RMDN2: variants seen among roughly 807,000 people sequenced by gnomAD.
RMDN2 encodes the protein regulator of microtubule dynamics 2.
In RMDN2, 61 loss-of-function variants were observed where a neutral mutation model predicts 52.8. That is an observed-to-expected ratio of 1.16 (90% CI 0.94 to 1.43). The LOEUF (loss-of-function observed/expected upper bound fraction) is 1.43, where lower values mean the gene tolerates loss of function less well. Among genes scored for constraint, RMDN2 ranks in the 40% most tolerant of loss-of-function variants. RMDN2 has a pLI of 0.00. For missense variants in RMDN2, 592 were observed against 475.3 expected (o/e 1.25, Z -2.28); for synonymous variants, 180 against 153.1 (o/e 1.18, Z -1.30).
At position 37,945,913 on chromosome 2, in the gene RMDN2, G is replaced by T. The variant is rs56303247; in HGVS notation, c.452+16184G>T. 2.9e-3 allele frequency among the ~76,000 whole-genome samples: 437 copies of T among 152,250 alleles called. 2 individuals are homozygous for T. Among genetic ancestry groups the T allele is most frequent in the Non-Finnish European group, 5.2e-3 (352 of 68,020 alleles). On this transcript the variant is annotated intron_variant, in intron 2 of 10. Coordinates refer to ENST00000354545, the MANE Select transcript of RMDN2 (RefSeq NM_001170791.3). ...GCTCTACAACAGTATCCTAGGGGAA[G>T]TAAGGTGAAGGTGCATATGAAATAC...
intron 2 of RMDN2, among the ~76,000 whole-genome samples, chr2:37,943,536 A>T (rs995077566): frequency 6.6e-6 from 1 of 152,228 alleles, no homozygotes; most frequent in Non-Finnish European, 1.5e-5. Flanking sequence ...GAAAGATGAG[A>T]TAATAAAGTT....
At chr2:37,933,952 A>T (rs1667079341) in intron 2 of RMDN2, among the ~76,000 whole-genome samples, 1 of 152,176 alleles carries the variant, frequency 6.6e-6, no homozygotes, top group Non-Finnish European at 1.5e-5. Flanking sequence ...TCCTTTTATA[A>T]TCTCCTGTGG....
At position 37,974,202 on chromosome 2, in the gene RMDN2, C is replaced by A. The variant is rs201685599; in HGVS notation, c.615C>A (p.Asp205Glu). ...GKSESFELLR[D>E]HKEKFRDEIE... ...CGGAGAGTTTTGAACTACTTCGTGA[C>A]CACAAAGAAAAGGTAAGAGACATAA... Residue 205 changes from aspartate to glutamate, a missense_variant, in exon 3 of 11, where the codon GAC becomes GAA. Coordinates refer to ENST00000354545, the MANE Select transcript of RMDN2 (RefSeq NM_001170791.3). The A allele has an allele frequency of 1.4e-4, 221 of 1,609,956 alleles. No homozygotes were observed. Among genetic ancestry groups the A allele is most frequent in the Non-Finnish European group, 1.8e-4 (214 of 1,178,172 alleles).
At chr2:37,985,729 C>G (rs1438807363) in intron 5 of RMDN2, among the ~76,000 whole-genome samples, 1 of 151,556 alleles carries the variant, frequency 6.6e-6, no homozygotes, top group East Asian at 1.9e-4. Context: ...AACAGTAACT[C>G]AAAAGATTTT....
Position 38,066,860 on chromosome 2 carries a change from T to C in RMDN2, c.1714-122T>C, listed in dbSNP as rs9341270. 11,419 of 780,152 alleles carry C rather than the reference T, an allele frequency of 0.015. 856 individuals carry two copies. The African/African-American group carries it at 0.17, about 11-fold the overall frequency. 48.3% of individuals were successfully genotyped at this position (780,152 alleles called of 1,614,324 possible). ...TACTGTCATACATCTGGAAAACTAGTGAGTATTCTCTTAAACCACTCCATA... is the reference window on the plus strand; with the variant it reads ...TACTGTCATACATCTGGAAAACTAGCGAGTATTCTCTTAAACCACTCCATA... On this transcript the variant is annotated intron_variant, in intron 10 of 10. Transcript: ENST00000234195.
chr2:38,034,069 G>C (rs960879908), intron 10 of RMDN2, among the ~76,000 whole-genome samples: 2 of 152,166 alleles, frequency 1.3e-5, no homozygotes, highest in African/African-American at 4.8e-5. Flanking sequence ...TTACTTTTCA[G>C]AATCATCTAC....
rs548486343 is a variant in RMDN2, at chr2:37,952,266, A to G, written c.453-21774A>G. ...AATAGTTTTCCCACCAGTCACTTTC[A>G]TAGCCTGTAGAATTCATTTCTCATA... On this transcript the variant is annotated intron_variant, in intron 2 of 10. Coordinates refer to ENST00000354545, the MANE Select transcript of RMDN2 (RefSeq NM_001170791.3). The G allele has an allele frequency of 4.2e-4, 609 of 1,461,770 alleles. 1 individual carries two copies. In the African/African-American group the frequency reaches 7.3e-3, roughly 18 times the overall value. The allele number at this position is 1,461,770 out of a possible 1,614,324, so 90.5% of individuals were successfully genotyped here.
At chr2:38,059,146 AT>A (rs1364263469) in intron 10 of RMDN2, among the ~76,000 whole-genome samples, 1 of 152,240 alleles carries the variant, frequency 6.6e-6, no homozygotes, top group Non-Finnish European at 1.5e-5. Context: ...AGTAGCCACT[AT>A]CCCCATGTGG....
At position 38,004,221 on chromosome 2, in the gene RMDN2, G is replaced by C; in HGVS notation, c.1179+5G>C. On this transcript the variant is annotated splice_donor_5th_base_variant and intron_variant, in intron 10 of 10. Coordinates refer to ENST00000354545, the MANE Select transcript of RMDN2 (RefSeq NM_001170791.3). ...CTTCCTACTGTTACCAAAGAGGTAA[G>C]TCCAGAAAGTGACAGTGAGTGCTGT... The C allele has an allele frequency of 3.7e-6, 6 of 1,606,614 alleles. No homozygotes were observed. Among genetic ancestry groups the C allele is most frequent in the Non-Finnish European group, 5.1e-6 (6 of 1,173,300 alleles).
At chr2:37,935,484 G>C (rs914256919) in intron 2 of RMDN2, among the ~76,000 whole-genome samples, 1 of 152,196 alleles carries the variant, frequency 6.6e-6, no homozygotes. Context: ...ATGCCTTGCT[G>C]TTATAGTTGT....
Position 37,970,913 on chromosome 2 carries a change from T to A in RMDN2, c.453-3127T>A, listed in dbSNP as rs142576516. ...TTAAATTGAATTATTTGTCTTTTTATTGTCGAATTGTTAAGAGTTTTATAT... is the reference window on the plus strand; with the variant it reads ...TTAAATTGAATTATTTGTCTTTTTAATGTCGAATTGTTAAGAGTTTTATAT... On this transcript the variant is annotated intron_variant, in intron 2 of 10. Coordinates refer to ENST00000354545, the MANE Select transcript of RMDN2 (RefSeq NM_001170791.3). 2.6e-3 allele frequency among the ~76,000 whole-genome samples: 397 copies of A among 152,268 alleles called. 2 individuals are homozygous for A. The highest frequency in any genetic ancestry group is 0.01 in the Middle Eastern group (3 of 294).
intron 2 of RMDN2, among the ~76,000 whole-genome samples, chr2:37,960,159 C>G (rs529308303): frequency 3.9e-5 from 6 of 152,018 alleles, no homozygotes; most frequent in African/African-American, 1.5e-4. Flanking sequence ...CTATTAGGTC[C>G]TCTTGATCCA....
At position 37,997,469 on chromosome 2, in the gene RMDN2, A is replaced by C; in HGVS notation, c.999A>C (p.Lys333Asn). Residue 333 changes from lysine (K) to asparagine (N), a missense_variant, in exon 8 of 11, where the codon AAA (lysine) becomes AAC (asparagine). Lys to Asn is a moderately conservative substitution (Grantham distance 94). Coordinates refer to ENST00000354545, the MANE Select transcript of RMDN2 (RefSeq NM_001170791.3). ...EKKMAATLFGKIPSSTVQEAL... is the reference protein window; with the variant it reads ...EKKMAATLFGNIPSSTVQEAL... ...AAATGGCTGCTACTCTGTTTGGAAA[A>C]ATACCATCTTCAACTGTACAAGAAG... The C allele has an allele frequency of 6.2e-7, 1 of 1,613,958 alleles. No homozygotes were observed. The highest frequency in any genetic ancestry group is 8.5e-7 in the Non-Finnish European group (1 of 1,179,884).
intron 1 of RMDN2, among the ~76,000 whole-genome samples, chr2:37,926,500 T>G (rs1666288561): frequency 6.6e-6 from 1 of 152,232 alleles, no homozygotes; most frequent in African/African-American, 2.4e-5. Context: ...CATTGTTATT[T>G]ACTAGCACCT....
chr2:38,039,931 C>G (rs975148643), intron 10 of RMDN2, among the ~76,000 whole-genome samples: 2 of 152,140 alleles, frequency 1.3e-5, no homozygotes, highest in African/African-American at 4.8e-5. Flanking sequence ...ATCTCCTCCT[C>G]TTTGGTTTTC....
chr2:38,058,490 G>A (rs1484710702), intron 10 of RMDN2, among the ~76,000 whole-genome samples: 1 of 152,188 alleles, frequency 6.6e-6, no homozygotes, highest in Non-Finnish European at 1.5e-5. Flanking sequence ...GCTCAGGCAG[G>A]GGACTTCAGG....
chr2:38,065,110 G>A (rs1289935397), intron 10 of RMDN2, among the ~76,000 whole-genome samples: 1 of 152,156 alleles, frequency 6.6e-6, no homozygotes. Context: ...ATTCCCAAGA[G>A]AGTGGATAGA....
chr2:37,929,236 A>G (rs1666527224), intron 1 of RMDN2, 26 bp from the exon 2 acceptor site: 2 of 1,308,610 alleles, frequency 1.5e-6, no homozygotes, highest in Non-Finnish European at 2.1e-6. Context: ...AACAACATTC[A>G]TTTACATTTA....
At chr2:37,990,037 G>A (rs1038240702) in intron 6 of RMDN2, among the ~76,000 whole-genome samples, 1 of 151,486 alleles carries the variant, frequency 6.6e-6, no homozygotes, top group Non-Finnish European at 1.5e-5. Flanking sequence ...CAGCTACTCA[G>A]GAGGCTGAGG....
Sources: allele counts gnomAD v4.1 joint callset (sites outside exome capture counted in the v4.1 genomes callset), GRCh38; gene constraint gnomAD v4.1.1; transcripts MANE v1.5; gene names NCBI Gene and HGNC (gene_info 2026-07-23, HGNC 2026-07-21).